Variants in DNAH8 observed in about 807,000 individuals in gnomAD.
DNAH8 encodes dynein axonemal heavy chain 8.
A neutral mutation model predicts 562.1 loss-of-function variants in DNAH8; 382 were observed. The ratio of observed to expected loss-of-function variants is 0.68; its 90% CI spans 0.63 to 0.74. The LOEUF (loss-of-function observed/expected upper bound fraction) is 0.74. DNAH8 is among the 30% of genes least tolerant of loss of function. The pLI, the probability that DNAH8 is intolerant of heterozygous loss-of-function variation, is 0.00. For synonymous variants in DNAH8, 1,881 were observed against 1,919.4 expected, an observed-to-expected ratio of 0.98 and a Z score of 0.52; for missense variants, 5,203 against 5,620.4, an observed-to-expected ratio of 0.93 and a Z score of 2.37.
At chr6:38,961,463 G>C (rs1762599211) in intron 82 of DNAH8, among the ~76,000 whole-genome samples, 3 of 151,874 alleles carry the variant, frequency 2.0e-5, no homozygotes, top group Admixed American at 2.0e-4. Flanking sequence ...TGAAAAGGAA[G>C]AATTCAATAG....
intron 82 of DNAH8, among the ~76,000 whole-genome samples, chr6:38,960,495 A>G (rs1439750264): frequency 2.0e-5 from 3 of 152,044 alleles, no homozygotes; most frequent in Non-Finnish European, 4.4e-5. Context: ...AATAAGACAT[A>G]TAAATTGCAA....
In DNAH8 at chr6:38,778,558, C is replaced by G. The variant is rs1768282518; in HGVS notation, c.2039+94C>G. 5.5e-6 allele frequency: 4 copies of G among 723,858 alleles called. No individual in the cohort carries two copies. In the South Asian group the frequency reaches 8.2e-5, roughly 15 times the overall value. The allele number at this position is 723,858 out of a possible 1,614,324, so 44.8% of individuals were successfully genotyped here. ...AATTAGGATGTTGTTGGAAATCTGT[C>G]CTACATAAACCTTAAAACTTACAAA... On this transcript the variant is annotated intron_variant, in intron 14 of 92. Transcript: ENST00000327475.
At chr6:38,764,915 A>G (rs1023181904) in intron 11 of DNAH8, among the ~76,000 whole-genome samples, 1 of 152,050 alleles carries the variant, frequency 6.6e-6, no homozygotes, top group African/African-American at 2.4e-5. Context: ...GCTCACTGCA[A>G]CCTCTGCCTC....
chr6:38,842,376 T>C lies in DNAH8; in HGVS notation c.4475T>C (p.Leu1492Pro). ...GTTACTTTGTTTCCCAGAAAAGAAC[T>C]CAACTTGCTGCAGAAGCTGTATGGA... ...YEVLHKTRKE[L>P]NLLQKLYGLY... is the part of the protein sequence containing the mutation. Residue 1492 changes from leucine (L) to proline (P), a missense_variant, in exon 34 of 93, where the codon CTC becomes CCC. By Grantham distance (98) the Leu-to-Pro change is moderately conservative (BLOSUM62 -3). Around this residue, in one of 6 missense-constraint regions of DNAH8, gnomAD observed 2,176 missense variants for 2,365.1 expected, o/e 0.92. Coordinates refer to ENST00000327475, the MANE Select transcript of DNAH8 (RefSeq NM_001206927.2). 1 of 1,599,246 alleles carries C rather than the reference T, an allele frequency of 6.3e-7. No homozygotes were observed.
At chr6:38,800,093 A>C (rs1273135327) in intron 21 of DNAH8, among the ~76,000 whole-genome samples, 1 of 151,876 alleles carries the variant, frequency 6.6e-6, no homozygotes. Context: ...TTTATTGCTG[A>C]ATAATATTCC....
chr6:39,023,932 A>G (rs1343243491), intron 91 of DNAH8, among the ~76,000 whole-genome samples: 1 of 152,244 alleles, frequency 6.6e-6, no homozygotes, highest in Non-Finnish European at 1.5e-5. Flanking sequence ...TGGCATTGCT[A>G]AGCATTAGGA....
intron 71 of DNAH8, among the ~76,000 whole-genome samples, chr6:38,922,440 C>T (rs141890115): frequency 6.6e-4 from 100 of 152,150 alleles, no homozygotes; most frequent in African/African-American, 2.0e-3. Context: ...CCAGATACAA[C>T]GGTCTTAACC....
intron 45 of DNAH8, among the ~76,000 whole-genome samples, chr6:38,864,755 C>A (rs985382047): frequency 1.3e-5 from 2 of 152,144 alleles, no homozygotes; most frequent in African/African-American, 4.8e-5. Context: ...CTGAAATATT[C>A]TCTCACATGT....
At chr6:38,945,053 G>A (rs1783755609) in intron 79 of DNAH8, among the ~76,000 whole-genome samples, 1 of 151,864 alleles carries the variant, frequency 6.6e-6, no homozygotes, top group South Asian at 2.1e-4. Context: ...CTATCTGTTT[G>A]ACCTGGTAAC....
chr6:38,963,431 C>A (rs1423820977), intron 82 of DNAH8, among the ~76,000 whole-genome samples: 2 of 117,522 alleles, frequency 1.7e-5, no homozygotes, highest in African/African-American at 6.5e-5. Flanking sequence ...ATGGTGCAAT[C>A]TCAGCTCACA....
intron 80 of DNAH8, among the ~76,000 whole-genome samples, chr6:38,947,836 C>T (rs1761558598): frequency 6.6e-6 from 1 of 152,048 alleles, no homozygotes; most frequent in Non-Finnish European, 1.5e-5. Context: ...CAACCTCCAG[C>T]TCCTGGGTTG....
intron 88 of DNAH8, among the ~76,000 whole-genome samples, chr6:38,998,675 A>G (rs1438675545): frequency 1.3e-5 from 2 of 152,196 alleles, no homozygotes; most frequent in Non-Finnish European, 2.9e-5. Flanking sequence ...TGTTTATTTC[A>G]TAGACAGCTC....
intron 84 of DNAH8, 77 bp downstream of exon 84, chr6:38,973,890 C>A: frequency 8.2e-7 from 1 of 1,212,878 alleles, no homozygotes; most frequent in Non-Finnish European, 1.2e-6. Flanking sequence ...AAGATGGGAA[C>A]ACAACAGGGC....
chr6:38,724,065 C>A (rs1763002602), intron 3 of DNAH8, among the ~76,000 whole-genome samples: 1 of 151,904 alleles, frequency 6.6e-6, no homozygotes, highest in South Asian at 2.1e-4. Flanking sequence ...TCTCGGCTCA[C>A]TAACCTTGCC....
At position 38,885,923 on chromosome 6, in the gene DNAH8, C is replaced by A. The variant is rs150516466; in HGVS notation, c.8260-868C>A. 1.1e-4 allele frequency among the ~76,000 whole-genome samples: 17 copies of A among 152,244 alleles called. No individual in the cohort carries two copies. In the East Asian group the frequency reaches 3.1e-3, roughly 28 times the overall value. Reference sequence around the variant, plus strand: ...CACTAGAATGTGTGCTTCATGAGGACAGAAAATTTTGTCTATGCTACAAGA... The same window carrying A: ...CACTAGAATGTGTGCTTCATGAGGAAAGAAAATTTTGTCTATGCTACAAGA... On this transcript the variant is annotated intron_variant, in intron 56 of 92. Transcript: ENST00000327475.
chr6:38,768,089 C>T (rs1767198200), intron 11 of DNAH8, among the ~76,000 whole-genome samples: 2 of 151,962 alleles, frequency 1.3e-5, no homozygotes, highest in African/African-American at 4.8e-5. Flanking sequence ...GCTTATTGGC[C>T]CTTTGTATAT....
At chr6:38,896,627 G>A (rs1466704456) in intron 60 of DNAH8, among the ~76,000 whole-genome samples, 1 of 151,718 alleles carries the variant, frequency 6.6e-6, no homozygotes, top group Non-Finnish European at 1.5e-5. Flanking sequence ...AAAAGAGAGA[G>A]AGAGAGTTCA....
rs775835573 is a variant in DNAH8 at position 38,818,537 on chromosome 6, C to CAAAAAAAAAAAAGAAAAAA, written c.3523+2892_3523+2893insGAAAAAAAAAAAAAAAAAA. Reference sequence around the variant, plus strand: ...CAAAATAAGAAAGCAAAAGCAAAAGCAAAAAAAAAAAAAAAAGAAGATATG... The same window carrying CAAAAAAAAAAAAGAAAAAA: ...CAAAATAAGAAAGCAAAAGCAAAAGCAAAAAAAAAAAAGAAAAAAAAAAAAAAAAAAAAAAGAAGATATG... On this transcript the variant is annotated intron_variant, in intron 26 of 92. Transcript: ENST00000327475. 2.0e-3 allele frequency among the ~76,000 whole-genome samples: 155 copies of CAAAAAAAAAAAAGAAAAAA among 75,780 alleles called. 2 individuals carry two copies. The highest frequency in any genetic ancestry group is 9.3e-3 in the African/African-American group (149 of 16,062). The allele number at this position is 75,780 out of a possible 152,430, so 49.7% of individuals were successfully genotyped here. A position where few individuals can be genotyped will look rare whatever the true frequency, so the allele number is the denominator to read the frequency against.
intron 7 of DNAH8, among the ~76,000 whole-genome samples, chr6:38,738,459 G>A (rs1446007569): frequency 1.3e-5 from 2 of 152,154 alleles, no homozygotes; most frequent in Non-Finnish European, 2.9e-5. Flanking sequence ...TGGCAGTAAG[G>A]AAAGTAGTGA....
Sources: gnomAD v4.1 joint callset for allele counts (sites outside exome capture counted in the v4.1 genomes callset) on GRCh38, gnomAD v4.1.1 for gene constraint, gnomAD v4.1.1 regional missense constraint, MANE v1.5 for transcripts, NCBI Gene and HGNC (gene_info 2026-07-23, HGNC 2026-07-21) for gene names.